The following PRR14L variants were observed in gnomAD, a reference collection of about 807,000 sequenced individuals.
PRR14L encodes protein PRR14L.
A neutral mutation model predicts 155.0 loss-of-function variants in PRR14L; 80 were observed. The ratio of observed to expected loss-of-function variants is 0.52; its 90% CI spans 0.43 to 0.62. The LOEUF (loss-of-function observed/expected upper bound fraction) is 0.62, where lower values mean the gene tolerates loss of function less well. Among genes scored for constraint, PRR14L ranks in the 20% least tolerant of loss-of-function variants. The probability of loss-of-function intolerance (pLI) is 0.00; values close to 1 mark genes in which losing one functional copy is unlikely to be tolerated. For synonymous variants in PRR14L, 883 were observed against 916.0 expected (o/e 0.96, Z 0.65); for missense variants, 2,469 against 2,548.0 (o/e 0.97, Z 0.67).
At position 31,714,439 on chromosome 22, in the gene PRR14L, C is replaced by T. The variant is rs1754297513; in HGVS notation, c.3400G>A (p.Glu1134Lys). The part of the protein sequence containing the change: ...DFLKIKKSCE[E>K]NVCRSLKDCE... ...TCTTTTAAAGATCTGCATACGTTTT[C>T]TTCACATGATTTTTTTATTTTGAGA... is the stretch of plus-strand genomic sequence containing the variant. The change falls in exon 4 of 9, where the codon GAA becomes AAA. Residue 1134 changes from glutamate (E) to lysine (K), a missense_variant. Glu to Lys is a moderately conservative substitution (Grantham distance 56). Transcript: ENST00000327423. The T allele has an allele frequency of 6.4e-6, 10 of 1,551,612 alleles. No individual in the cohort carries two copies. Among genetic ancestry groups the T allele is most frequent in the Non-Finnish European group, 8.7e-6 (10 of 1,146,956 alleles).
At position 31,713,157 on chromosome 22, in the gene PRR14L, G is replaced by A. The variant is rs756745478; in HGVS notation, c.4682C>T (p.Ala1561Val). 3.9e-5 allele frequency: 60 copies of A among 1,551,896 alleles called. No homozygotes were observed. In the East Asian group the frequency reaches 7.6e-4, roughly 20 times the overall value. ...KSSSNPIPTKAHRLLSLCTLS... is the reference protein window; with the variant it reads ...KSSSNPIPTKVHRLLSLCTLS... ...AGTACACAAACTGAGAAGTCTGTGC[G>A]CTTTTGTGGGGATGGGATTGGAAGA... The change falls in exon 4 of 9, where the codon GCG becomes GTG. Residue 1561 changes from alanine to valine, a missense_variant. Around this residue, in one of 2 missense-constraint regions of PRR14L, gnomAD observed 2,363 missense variants for 2,371.6 expected, o/e 1.00. Coordinates refer to ENST00000327423, the MANE Select transcript of PRR14L (RefSeq NM_173566.3).
chr22:31,731,116 A>G (rs892982669), intron 2 of PRR14L, among the ~76,000 whole-genome samples: 2 of 152,132 alleles, frequency 1.3e-5, no homozygotes, highest in African/African-American at 4.8e-5. Flanking sequence ...CCTGTCCTGG[A>G]ACAGCCATTT....
rs147453653 is a variant in PRR14L at position 31,733,948 on chromosome 22, C to G, written c.474+4439G>C. 1.0e-3 allele frequency among the ~76,000 whole-genome samples: 153 copies of G among 151,978 alleles called. 2 individuals carry two copies. The highest frequency in any genetic ancestry group is 1.9e-3 in the South Asian group (9 of 4,812). On this transcript the variant is annotated intron_variant, in intron 2 of 8. Transcript: ENST00000327423. ...TACACCACACAAACACACACACACA[C>G]AGTTCATTATCAAGTCTTCCCATTT...
In PRR14L at chr22:31,716,578, C is replaced by G; in HGVS notation, c.1261G>C (p.Glu421Gln). The change falls in exon 4 of 9, where the codon GAA becomes CAA. Residue 421 changes from glutamate to glutamine, a missense_variant. Glu to Gln is a conservative substitution (Grantham distance 29). Around this residue, in one of 2 missense-constraint regions of PRR14L, gnomAD observed 2,363 missense variants for 2,371.6 expected, o/e 1.00. Transcript: ENST00000327423. ...GPFLFNAREP[E>Q]KEISGRCSGE... is the part of the protein sequence containing the mutation. ...GAACAACGACCACTAATCTCCTTTT[C>G]TGGTTCCCTGGCATTAAAAAGAAAA... The G allele has an allele frequency of 6.5e-7, 1 of 1,548,948 alleles. No individual in the cohort carries two copies. The highest frequency in any genetic ancestry group is 2.0e-5 in the Admixed American group (1 of 50,254).
rs2074648899 is a variant in PRR14L, at chr22:31,715,123, T to C, written c.2716A>G (p.Lys906Glu). ...GTTTCTTTGGATACATCCTGCTCCT[T>C]TCCTTCCAGCCCTTCCTCACTGAGT... ...IKLSEEGLEG[K>E]EQDVSKETVF... Residue 906 changes from lysine to glutamate, a missense_variant, in exon 4 of 9, where the codon AAG becomes GAG. Lys to Glu is a moderately conservative substitution (Grantham distance 56). Coordinates refer to ENST00000327423, the MANE Select transcript of PRR14L (RefSeq NM_173566.3). The C allele has an allele frequency of 6.4e-7, 1 of 1,551,936 alleles. No homozygotes were observed. The highest frequency in any genetic ancestry group is 8.7e-7 in the Non-Finnish European group (1 of 1,147,012).
chr22:31,689,688 G>T (rs1601490738), intron 7 of PRR14L, among the ~76,000 whole-genome samples: 1 of 151,992 alleles, frequency 6.6e-6, no homozygotes, highest in Admixed American at 6.6e-5. Flanking sequence ...TCCTGTCTCT[G>T]CCTCCCGTGT....
chr22:31,723,485 G>A (rs1369662673), intron 3 of PRR14L, among the ~76,000 whole-genome samples: 1 of 152,220 alleles, frequency 6.6e-6, no homozygotes, highest in Non-Finnish European at 1.5e-5. Flanking sequence ...AGTAAATTCT[G>A]TGGTAAGATG....
intron 4 of PRR14L, among the ~76,000 whole-genome samples, chr22:31,711,211 C>T (rs2074619405): frequency 6.6e-6 from 1 of 152,012 alleles, no homozygotes; most frequent in African/African-American, 2.4e-5. Flanking sequence ...TGGTGGCTAC[C>T]GCCTGTAATC....
chr22:31,734,236 G>A (rs2074766595), intron 2 of PRR14L, among the ~76,000 whole-genome samples: 1 of 152,150 alleles, frequency 6.6e-6, no homozygotes, highest in Admixed American at 6.6e-5. Flanking sequence ...CTCCCAAAGT[G>A]CTGAGATTAC....
intron 2 of PRR14L, among the ~76,000 whole-genome samples, chr22:31,735,859 A>C (rs1258151050): frequency 6.6e-6 from 1 of 151,476 alleles, no homozygotes. Context: ...GACCAGCCTG[A>C]CCAACATGGT....
chr22:31,716,788 C>G lies in PRR14L; in HGVS notation c.1051G>C (p.Gly351Arg). Residue 351 changes from glycine (G) to arginine (R), a missense_variant, in exon 4 of 9, where the codon GGT becomes CGT. This residue lies in a region of PRR14L where 2,363 missense variants were observed against 2,371.6 expected (regional missense o/e 1.00). Transcript: ENST00000327423. Reference sequence around the variant, plus strand: ...AAGGATATTGTTCTGGATTCTGGACCAGACAAGTCTGATGTGAAACATGAA... The same window carrying G: ...AAGGATATTGTTCTGGATTCTGGACGAGACAAGTCTGATGTGAAACATGAA... ...EVSCFTSDLS[G>R]PESRTISLEN... 6.4e-7 allele frequency: 1 copy of G among 1,551,842 alleles called. No individual in the cohort carries two copies. Among genetic ancestry groups the G allele is most frequent in the Non-Finnish European group, 8.7e-7 (1 of 1,147,032 alleles).
At chr22:31,697,001 G>A (rs2074538031) in intron 7 of PRR14L, among the ~76,000 whole-genome samples, 1 of 152,146 alleles carries the variant, frequency 6.6e-6, no homozygotes, top group South Asian at 2.1e-4. Flanking sequence ...TGTGATACCA[G>A]CTACGCGGGG....
chr22:31,730,485 TCTC>T (rs1347492880), intron 2 of PRR14L, among the ~76,000 whole-genome samples: 2 of 152,102 alleles, frequency 1.3e-5, no homozygotes, highest in Non-Finnish European at 2.9e-5. Context: ...TGATGTTGGT[TCTC>T]CTCATGGTGT....
chr22:31,717,154 C>A lies in PRR14L; in HGVS notation c.685G>T (p.Gly229Cys). ...NVSKDLSAGC[G>C]EFQEVDKIMT... ...ATTTTGTCTACTTCTTGGAATTCAC[C>A]GCATCCAGCTGAGAGATCTTTACTC... The change falls in exon 4 of 9, where the codon GGT becomes TGT. Residue 229 changes from glycine to cysteine, a missense_variant. Gly to Cys is a radical substitution (Grantham distance 159). Transcript: ENST00000327423. The A allele has an allele frequency of 1.3e-6, 2 of 1,552,250 alleles. No individual in the cohort carries two copies. Among genetic ancestry groups the A allele is most frequent in the Non-Finnish European group, 8.7e-7 (1 of 1,147,124 alleles).
intron 4 of PRR14L, 58 bp from the exon 5 acceptor site, chr22:31,704,784 G>A (rs2074581292): frequency 3.7e-6 from 5 of 1,342,042 alleles, no homozygotes; most frequent in Non-Finnish European, 5.3e-6. Context: ...AACAGGAAAG[G>A]TTTTGATGTT....
chr22:31,688,822 G>T (rs557347075), intron 7 of PRR14L, among the ~76,000 whole-genome samples: 3 of 151,362 alleles, frequency 2.0e-5, no homozygotes, highest in Admixed American at 6.6e-5. Context: ...TAGAGATGGG[G>T]TCTTGCTCTG....
chr22:31,716,986 C>T lies in PRR14L; in HGVS notation c.853G>A (p.Gly285Arg). ...LKSCPWLSLP[G>R]NSAISNVDNG... ...TCCACATTAGAAATGGCACTGTTTC[C>T]TGGTAATGACAACCAAGGACAACTT... The change falls in exon 4 of 9, where the codon GGA (glycine) becomes AGA (arginine). Residue 285 changes from glycine (G) to arginine (R), a missense_variant. Around this residue, in one of 2 missense-constraint regions of PRR14L, gnomAD observed 2,363 missense variants for 2,371.6 expected, o/e 1.00. Transcript: ENST00000327423. 6.4e-7 allele frequency: 1 copy of T among 1,551,822 alleles called. No homozygotes were observed. The highest frequency in any genetic ancestry group is 1.4e-5 in the African/African-American group (1 of 73,170).
At chr22:31,739,474 G>C (rs1356124776) in intron 1 of PRR14L, among the ~76,000 whole-genome samples, 1 of 152,142 alleles carries the variant, frequency 6.6e-6, no homozygotes, top group East Asian at 1.9e-4. Context: ...CTCTACCCAG[G>C]CTAGCACAAG....
At chr22:31,737,396 G>A (rs1283831217) in intron 2 of PRR14L, among the ~76,000 whole-genome samples, 3 of 151,856 alleles carry the variant, frequency 2.0e-5, no homozygotes, top group Admixed American at 6.6e-5. Context: ...CAGGAGAATC[G>A]CTTGAACCTG....
Sources: gnomAD v4.1 joint callset for allele counts (sites outside exome capture counted in the v4.1 genomes callset) on GRCh38, gnomAD v4.1.1 for gene constraint, gnomAD v4.1.1 regional missense constraint, MANE v1.5 for transcripts, NCBI Gene and HGNC (gene_info 2026-07-23, HGNC 2026-07-21) for gene names.